Variants in FGF10 observed in about 807,000 individuals in gnomAD.
The protein encoded by FGF10 is fibroblast growth factor 10.
A neutral mutation model predicts 19.8 loss-of-function variants in FGF10; 2 were observed. The observed-to-expected ratio is 0.10, with a 90% CI of 0.04 to 0.32. FGF10 has a LOEUF of 0.32. FGF10 is among the 10% of genes least tolerant of loss of function. FGF10 has a pLI of 1.00. For synonymous variants in FGF10, 112 were observed against 94.0 expected (o/e 1.19, Z -1.10); for missense variants, 191 against 246.3 (o/e 0.78, Z 1.50).
At chr5:44,368,562 T>C (rs1741671647) in intron 1 of FGF10, among the ~76,000 whole-genome samples, 1 of 152,136 alleles carries the variant, frequency 6.6e-6, no homozygotes, top group South Asian at 2.1e-4. Flanking sequence ...GCTGAAACTA[T>C]AGGTCAAGCT....
intron 1 of FGF10, among the ~76,000 whole-genome samples, chr5:44,329,790 C>T (rs74355115): frequency 0.014 from 2,115 of 152,232 alleles, 89 homozygotes; most frequent in East Asian, 0.12. Flanking sequence ...CCCTTAAGCA[C>T]GGGTAATTGG....
At chr5:44,387,809 T>TG (rs2111937126) in intron 1 of FGF10, among the ~76,000 whole-genome samples, 1 of 152,018 alleles carries the variant, frequency 6.6e-6, no homozygotes, top group African/African-American at 2.4e-5. Context: ...CTAGAGGTAG[T>TG]GGGGTAAAGG....
chr5:44,374,866 A>T (rs1177136701), intron 1 of FGF10, among the ~76,000 whole-genome samples: 2 of 133,716 alleles, frequency 1.5e-5, no homozygotes, highest in Admixed American at 1.6e-4. Flanking sequence ...ATGAAAAATG[A>T]TTCACTTCAT....
chr5:44,376,877 G>A (rs1329000573), intron 1 of FGF10, among the ~76,000 whole-genome samples: 177 of 149,576 alleles, frequency 1.2e-3, no homozygotes, highest in Non-Finnish European at 1.1e-3. Context: ...ACTTCAAAAA[G>A]TAAAAATGAA....
chr5:44,327,099 T>A (rs1740631862), intron 1 of FGF10, among the ~76,000 whole-genome samples: 1 of 152,198 alleles, frequency 6.6e-6, no homozygotes, highest in South Asian at 2.1e-4. Flanking sequence ...TCTTCAGTCT[T>A]CAGCGTGGTT....
chr5:44,378,386 C>G (rs1741912498), intron 1 of FGF10, among the ~76,000 whole-genome samples: 1 of 152,164 alleles, frequency 6.6e-6, no homozygotes, highest in Non-Finnish European at 1.5e-5. Context: ...CTAACTTTTT[C>G]CCCAAAACTT....
intron 1 of FGF10, among the ~76,000 whole-genome samples, chr5:44,368,561 A>C (rs1741671591): frequency 1.3e-5 from 2 of 152,164 alleles, no homozygotes; most frequent in African/African-American, 2.4e-5. Context: ...AGCTGAAACT[A>C]TAGGTCAAGC....
intron 1 of FGF10, among the ~76,000 whole-genome samples, chr5:44,323,673 C>G (rs1309789729): frequency 6.6e-6 from 1 of 152,152 alleles, no homozygotes; most frequent in African/African-American, 2.4e-5. Context: ...AGTTAACAAA[C>G]TATCTATAAA....
At chr5:44,333,112 A>G (rs1382566949) in intron 1 of FGF10, among the ~76,000 whole-genome samples, 2 of 152,120 alleles carry the variant, frequency 1.3e-5, no homozygotes, top group African/African-American at 4.8e-5. Flanking sequence ...ACCCCCCCCA[A>G]AAAAATTACA....
intron 1 of FGF10, among the ~76,000 whole-genome samples, chr5:44,312,057 ACAGCACTCCTTTT>A (rs1740224232): frequency 6.6e-6 from 1 of 152,132 alleles, no homozygotes; most frequent in East Asian, 1.9e-4. Flanking sequence ...CTGACCTAAC[ACAGCACTCCTTTT>A]CATCAAAAGA....
rs1407806332 is a variant in FGF10 at position 44,301,553 on chromosome 5, C to T, written c.*3442G>A. Among the ~76,000 whole-genome samples the T allele has an allele frequency of 6.6e-6, 1 of 152,204 alleles. No individual in the cohort carries two copies. The highest frequency in any genetic ancestry group is 1.5e-5 in the Non-Finnish European group (1 of 68,034). ...AGCCACCTGGCTTTCCTCCAAAAGT[C>T]TTCCATTGTTTCATAAGCCATCCTC... On this transcript the variant is annotated 3_prime_UTR_variant, in exon 3 of 3. Transcript: ENST00000264664.
At chr5:44,371,311 C>A (rs567323324) in intron 1 of FGF10, among the ~76,000 whole-genome samples, 1 of 152,100 alleles carries the variant, frequency 6.6e-6, no homozygotes, top group African/African-American at 2.4e-5. Flanking sequence ...AGAATACCCT[C>A]AACAGATGCG....
chr5:44,371,419 G>T (rs538705787), intron 1 of FGF10, among the ~76,000 whole-genome samples: 5 of 152,206 alleles, frequency 3.3e-5, no homozygotes, highest in Admixed American at 3.3e-4. Context: ...ACAAGCAACA[G>T]AAAATGAACT....
rs888515435 is a variant in FGF10 at position 44,318,754 on chromosome 5, T to C, written c.326-8224A>G. 3.9e-5 allele frequency among the ~76,000 whole-genome samples: 6 copies of C among 152,306 alleles called. No homozygotes were observed. The South Asian group carries it at 8.3e-4, about 21-fold the overall frequency. ...TAGATCTATTATGATACAGAAGCTTTGGCAAGCATGTCAACTGTCATATTT... is the reference window on the plus strand; with the variant it reads ...TAGATCTATTATGATACAGAAGCTTCGGCAAGCATGTCAACTGTCATATTT... On this transcript the variant is annotated intron_variant, in intron 1 of 2. Coordinates refer to ENST00000264664, the MANE Select transcript of FGF10 (RefSeq NM_004465.2).
At chr5:44,324,638 T>C (rs969308532) in intron 1 of FGF10, among the ~76,000 whole-genome samples, 3 of 152,156 alleles carry the variant, frequency 2.0e-5, no homozygotes, top group African/African-American at 7.2e-5. Context: ...CAGATAATTA[T>C]TAAATTCAAC....
In FGF10 at chr5:44,388,637, G is replaced by A. The variant is rs1164998817; in HGVS notation, c.46C>T (p.Leu16=). 1.9e-6 allele frequency: 3 copies of A among 1,613,932 alleles called. No individual in the cohort carries two copies. Among genetic ancestry groups the A allele is most frequent in the Non-Finnish European group, 2.5e-6 (3 of 1,180,002 alleles). ...AAGCAGCAGCAGCAGCAGCCGGGCA[G>A]GTGGGGAAAGGCTGAGGCACAATGT... The part of the protein sequence containing the change: ...LTHCASAFPH[L]PGCCCCCFLL... Residue 16 remains leucine, a synonymous_variant, in exon 1 of 3, where the codon CTG becomes TTG. Coordinates refer to ENST00000264664, the MANE Select transcript of FGF10 (RefSeq NM_004465.2).
At chr5:44,380,894 C>T (rs1008510068) in intron 1 of FGF10, among the ~76,000 whole-genome samples, 1 of 152,046 alleles carries the variant, frequency 6.6e-6, no homozygotes, top group African/African-American at 2.4e-5. Context: ...TTGGGAGGAT[C>T]GCCTGAGCCC....
rs544067332 is a variant in FGF10 at position 44,385,981 on chromosome 5, C to T, written c.325+2377G>A. Among the ~76,000 whole-genome samples the T allele has an allele frequency of 6.6e-5, 10 of 152,268 alleles. No homozygotes were observed. In the East Asian group the frequency reaches 1.7e-3, roughly 26 times the overall value. ...AGCAGAGTGAACCCCTCCCCTTTCACTGTTAACCGTTGATTAAGATTGCAT... is the reference window on the plus strand; with the variant it reads ...AGCAGAGTGAACCCCTCCCCTTTCATTGTTAACCGTTGATTAAGATTGCAT... On this transcript the variant is annotated intron_variant, in intron 1 of 2. Coordinates refer to ENST00000264664, the MANE Select transcript of FGF10 (RefSeq NM_004465.2).
intron 1 of FGF10, among the ~76,000 whole-genome samples, chr5:44,328,704 G>A (rs543186314): frequency 6.6e-6 from 1 of 152,344 alleles, no homozygotes; most frequent in East Asian, 1.9e-4. Context: ...AGAGGCTGCA[G>A]TGAGCTGTGA....
Sources: allele counts gnomAD v4.1 joint callset (sites outside exome capture counted in the v4.1 genomes callset), GRCh38; gene constraint gnomAD v4.1.1; transcripts MANE v1.5; gene names NCBI Gene and HGNC (gene_info 2026-07-23, HGNC 2026-07-21).